The following TAS2R1 variants were observed in gnomAD, a reference collection of about 807,000 sequenced individuals.
TAS2R1 encodes the protein taste 2 receptor member 1, also known as taste receptor type 2 member 1.
For missense variants in TAS2R1, 370 were observed against 353.4 expected (o/e 1.05, Z -0.38); for synonymous variants, 141 against 134.2 (o/e 1.05, Z -0.35).
intron 1 of TAS2R1, among the ~76,000 whole-genome samples, chr5:9,708,148 GC>G (rs1220921959): frequency 1.3e-5 from 2 of 152,150 alleles, no homozygotes; most frequent in African/African-American, 2.4e-5. Context: ...AAAAAGAAGG[GC>G]CCGTAGAATA....
chr5:9,821,127 T>C, the TAS2R1 span, among the ~76,000 whole-genome samples: 12 of 152,294 alleles, frequency 7.9e-5, no homozygotes, highest in East Asian at 2.3e-3. Flanking sequence ...AGAACTTTAT[T>C]GGTTCTAAAT....
the TAS2R1 span, among the ~76,000 whole-genome samples, chr5:9,727,887 G>T: frequency 1.3e-5 from 2 of 152,222 alleles, no homozygotes; most frequent in Non-Finnish European, 2.9e-5. Context: ...TCATGGGGTT[G>T]CCCAAGCCCA....
At chr5:9,886,968 C>T in the TAS2R1 span, among the ~76,000 whole-genome samples, 3 of 152,164 alleles carry the variant, frequency 2.0e-5, no homozygotes, top group East Asian at 1.9e-4. Context: ...GCTTGACCAC[C>T]GCCACTGGAA....
the TAS2R1 span, among the ~76,000 whole-genome samples, chr5:9,794,152 A>G: frequency 6.6e-6 from 1 of 152,214 alleles, no homozygotes; most frequent in African/African-American, 2.4e-5. Flanking sequence ...CATCTCTGTT[A>G]TTCCAGCATA....
chr5:9,896,094 T>C, the TAS2R1 span, among the ~76,000 whole-genome samples: 1 of 152,206 alleles, frequency 6.6e-6, no homozygotes, highest in African/African-American at 2.4e-5. Flanking sequence ...CCAACCCTTA[T>C]ACAAGGTATA....
At chr5:9,765,435 G>T in the TAS2R1 span, 1 of 151,684 alleles carries the variant, frequency 6.6e-6, no homozygotes, top group Admixed American at 6.6e-5. Flanking sequence ...GCACAAATTA[G>T]GTATGAATAA....
intron 1 of TAS2R1, among the ~76,000 whole-genome samples, chr5:9,688,566 C>A (rs1320756299): frequency 6.6e-6 from 1 of 152,116 alleles, no homozygotes; most frequent in Non-Finnish European, 1.5e-5. Context: ...GCTCTGTGTG[C>A]TTGGTCAAAG....
intron 1 of TAS2R1, among the ~76,000 whole-genome samples, chr5:9,676,774 A>C (rs534234140): frequency 6.6e-6 from 1 of 152,326 alleles, no homozygotes; most frequent in African/African-American, 2.4e-5. Context: ...ATTAAAATTT[A>C]AAATATTGGC....
At chr5:9,797,192 G>A in the TAS2R1 span, among the ~76,000 whole-genome samples, 40 of 152,268 alleles carry the variant, frequency 2.6e-4, no homozygotes, top group African/African-American at 8.7e-4. Context: ...CCTCCTCCCC[G>A]GGGAAGACTT....
the TAS2R1 span, among the ~76,000 whole-genome samples, chr5:9,734,103 T>TA: frequency 6.6e-6 from 1 of 152,236 alleles, no homozygotes; most frequent in South Asian, 2.1e-4. Context: ...AGTGCCTTTG[T>TA]AAAAGACATG....
chr5:9,644,484 G>C (rs949559730), intron 2 of TAS2R1, among the ~76,000 whole-genome samples: 3 of 152,214 alleles, frequency 2.0e-5, no homozygotes, highest in Non-Finnish European at 4.4e-5. Context: ...GTGAGCAATG[G>C]AGCCATTTTT....
the TAS2R1 span, among the ~76,000 whole-genome samples, chr5:9,731,157 G>A: frequency 6.6e-6 from 1 of 151,894 alleles, no homozygotes; most frequent in African/African-American, 2.4e-5. Context: ...CTCGCAGCCA[G>A]CCCACGCCCA....
At chr5:9,854,583 A>G in the TAS2R1 span, 1 of 152,230 alleles carries the variant, frequency 6.6e-6, no homozygotes, top group South Asian at 2.1e-4. Context: ...ATATGTTCAA[A>G]CTGCAGAATC....
At chr5:9,759,124 A>G in the TAS2R1 span, among the ~76,000 whole-genome samples, 6 of 152,230 alleles carry the variant, frequency 3.9e-5, no homozygotes, top group Non-Finnish European at 8.8e-5. Flanking sequence ...TCTTTGTAAC[A>G]TCTAAGGTAA....
At chr5:9,711,143 T>G (rs1037945699) in intron 1 of TAS2R1, among the ~76,000 whole-genome samples, 113 of 152,010 alleles carry the variant, frequency 7.4e-4, no homozygotes, top group African/African-American at 2.6e-3. Context: ...CCAAGCGGAA[T>G]CCAGCAATCC....
At chr5:9,754,731 A>G in the TAS2R1 span, among the ~76,000 whole-genome samples, 290 of 152,338 alleles carry the variant, frequency 1.9e-3, 2 homozygotes, top group African/African-American at 5.7e-3. Context: ...CCACTGCTCA[A>G]TGAAATAAAA....
chr5:9,888,814 G>A, the TAS2R1 span, among the ~76,000 whole-genome samples: 1 of 152,186 alleles, frequency 6.6e-6, no homozygotes, highest in Non-Finnish European at 1.5e-5. Context: ...GGGTGGGTGG[G>A]GGAGGAGTGA....
intron 1 of TAS2R1, among the ~76,000 whole-genome samples, chr5:9,681,235 C>T (rs901787517): frequency 6.6e-6 from 1 of 151,844 alleles, no homozygotes. Flanking sequence ...TTAATTGTAA[C>T]AAATGTACTC....
the TAS2R1 span, among the ~76,000 whole-genome samples, chr5:9,727,618 G>A: frequency 4.4e-4 from 67 of 152,298 alleles, no homozygotes; most frequent in Middle Eastern, 3.4e-3. Context: ...AGATATAGGT[G>A]GCCTCTGAGC....
Sources: allele counts gnomAD v4.1 joint callset (sites outside exome capture counted in the v4.1 genomes callset), GRCh38; gene constraint gnomAD v4.1.1; transcripts MANE v1.5; gene names NCBI Gene and HGNC (gene_info 2026-07-23, HGNC 2026-07-21).